POPDC3: variants seen among roughly 807,000 people sequenced by gnomAD.
POPDC3 encodes the protein popeye domain-containing protein 3.
Under a neutral mutation model 28.2 loss-of-function variants are expected in POPDC3, and 20 were observed. The observed-to-expected ratio is 0.71, with a 90% confidence interval of 0.50 to 1.03. POPDC3 has a LOEUF of 1.03. Among genes scored for constraint, POPDC3 ranks in the 50% least tolerant of loss-of-function variants. POPDC3 has a pLI of 0.00. For missense variants in POPDC3, 316 were observed against 345.9 expected (o/e 0.91, Z 0.69); for synonymous variants, 118 against 124.1 (o/e 0.95, Z 0.33).
At chr6:105,177,331 G>A (rs181354301) in intron 1 of POPDC3, among the ~76,000 whole-genome samples, 1 of 150,278 alleles carries the variant, frequency 6.7e-6, no homozygotes, top group Non-Finnish European at 1.5e-5. Context: ...AAAGTGTGGG[G>A]TTTTTTTTTC....
intron 1 of POPDC3, among the ~76,000 whole-genome samples, chr6:105,175,432 G>C (rs1305413980): frequency 6.6e-6 from 1 of 151,850 alleles, no homozygotes; most frequent in African/African-American, 2.4e-5. Flanking sequence ...CAGCTACATG[G>C]GAGGCTGAGG....
chr6:105,173,170 A>C (rs1446013702), intron 1 of POPDC3, among the ~76,000 whole-genome samples: 1 of 152,226 alleles, frequency 6.6e-6, no homozygotes, highest in Admixed American at 6.5e-5. Flanking sequence ...AGGATGCTCC[A>C]CTAGTTGGTG....
intron 1 of POPDC3, among the ~76,000 whole-genome samples, chr6:105,165,452 T>G (rs966080005): frequency 6.6e-6 from 1 of 152,262 alleles, no homozygotes; most frequent in African/African-American, 2.4e-5. Context: ...TTTGTATTTC[T>G]GAGCCTTAGC....
chr6:105,167,554 C>G (rs756015312), intron 1 of POPDC3, among the ~76,000 whole-genome samples: 8 of 151,938 alleles, frequency 5.3e-5, no homozygotes, highest in Non-Finnish European at 7.4e-5. Flanking sequence ...CAAGACCAGC[C>G]TGGCCAACAT....
intron 1 of POPDC3, chr6:105,178,752 C>T (rs1173283214): frequency 1.2e-5 from 12 of 984,884 alleles, no homozygotes; most frequent in African/African-American, 1.8e-5. Flanking sequence ...TCTATTGTCA[C>T]AAAGAACAAT....
chr6:105,176,360 T>C (rs1489005437), intron 1 of POPDC3, among the ~76,000 whole-genome samples: 1 of 152,148 alleles, frequency 6.6e-6, no homozygotes, highest in Non-Finnish European at 1.5e-5. Context: ...GGGCATAATG[T>C]GATGAGCTGG....
chr6:105,174,522 G>C (rs1179838717), intron 1 of POPDC3, among the ~76,000 whole-genome samples: 1 of 152,156 alleles, frequency 6.6e-6, no homozygotes, highest in Non-Finnish European at 1.5e-5. Flanking sequence ...TGAAAATATC[G>C]TAAGTTGAAA....
At chr6:105,162,667 C>T (rs140901023) in intron 1 of POPDC3, among the ~76,000 whole-genome samples, 87 of 152,332 alleles carry the variant, frequency 5.7e-4, no homozygotes, top group African/African-American at 2.1e-3. Flanking sequence ...GGGAGACAGG[C>T]TTCAGTGAGC....
chr6:105,161,316 T>C (rs1774321565), intron 2 of POPDC3, 109 bp downstream of exon 2: 2 of 1,216,440 alleles, frequency 1.6e-6, no homozygotes, highest in African/African-American at 3.0e-5. Context: ...AGCCTCAGGG[T>C]GCTAAATGCC....
chr6:105,172,746 T>G (rs964280221), intron 1 of POPDC3, among the ~76,000 whole-genome samples: 6 of 150,324 alleles, frequency 4.0e-5, no homozygotes, highest in African/African-American at 1.5e-4. Context: ...GGGACATGGA[T>G]GAAGCTGGAA....
In POPDC3 at chr6:105,158,405, C is replaced by T. The variant is rs1774228869; in HGVS notation, c.*65G>A. The T allele has an allele frequency of 1.5e-6, 2 of 1,363,142 alleles. No individual in the cohort carries two copies. Among genetic ancestry groups the T allele is most frequent in the African/African-American group, 1.5e-5 (1 of 68,874 alleles). The allele number at this position is 1,363,142 out of a possible 1,614,324, so 84.4% of individuals were successfully genotyped here. On this transcript the variant is annotated 3_prime_UTR_variant, in exon 4 of 4. Transcript: ENST00000254765. ...TAGGGAGCTCTTTTTTTGTATTTTG[C>T]TATTTCACTGGGGAATGATGAAGAG...
intron 1 of POPDC3, among the ~76,000 whole-genome samples, chr6:105,167,886 T>A (rs993205827): frequency 4.6e-5 from 7 of 152,140 alleles, no homozygotes; most frequent in East Asian, 1.9e-4. Flanking sequence ...TTTAAAAAAA[T>A]GTTGTTTATG....
chr6:105,179,123 C>G (rs72934356), intron 1 of POPDC3: 13,691 of 985,418 alleles, frequency 0.014, 113 homozygotes, highest in Non-Finnish European at 0.015. Flanking sequence ...TGCCTTTCAT[C>G]TTTGCCTAAA....
At chr6:105,174,286 G>A (rs1170859800) in intron 1 of POPDC3, among the ~76,000 whole-genome samples, 2 of 152,186 alleles carry the variant, frequency 1.3e-5, no homozygotes, top group Non-Finnish European at 2.9e-5. Flanking sequence ...TGATCCGCCC[G>A]CCTTGACCTT....
At chr6:105,172,902 G>A (rs1389398087) in intron 1 of POPDC3, among the ~76,000 whole-genome samples, 1 of 109,898 alleles carries the variant, frequency 9.1e-6, no homozygotes, top group African/African-American at 3.5e-5. Context: ...GGGGGGAGGG[G>A]GGAGGGATAG....
intron 1 of POPDC3, among the ~76,000 whole-genome samples, chr6:105,178,502 A>G (rs1774720981): frequency 6.6e-6 from 1 of 151,930 alleles, no homozygotes; most frequent in Non-Finnish European, 1.5e-5. Flanking sequence ...TAAATGTATA[A>G]AATTTTGAGG....
At chr6:105,163,982 A>C (rs1774405310) in intron 1 of POPDC3, among the ~76,000 whole-genome samples, 1 of 152,194 alleles carries the variant, frequency 6.6e-6, no homozygotes. Context: ...CAAAGCACAA[A>C]ATTTTATTCT....
intron 1 of POPDC3, among the ~76,000 whole-genome samples, chr6:105,162,987 C>G (rs1254821050): frequency 6.6e-6 from 1 of 152,192 alleles, no homozygotes; most frequent in Admixed American, 6.5e-5. Flanking sequence ...CAGAGCAGAA[C>G]TTTGGCGCTC....
intron 1 of POPDC3, chr6:105,169,143 C>A (rs937034129): frequency 6.6e-6 from 1 of 152,180 alleles, no homozygotes; most frequent in Admixed American, 6.5e-5. Flanking sequence ...TAAACACACA[C>A]ATAAACAGTT....
Sources: allele counts gnomAD v4.1 joint callset (sites outside exome capture counted in the v4.1 genomes callset), GRCh38; gene constraint gnomAD v4.1.1; transcripts MANE v1.5; gene names NCBI Gene and HGNC (gene_info 2026-07-23, HGNC 2026-07-21).